Variants in MAST4 observed in about 807,000 individuals in gnomAD.
MAST4 encodes the protein microtubule-associated serine/threonine-protein kinase 4.
In MAST4, 89 loss-of-function variants were observed where a neutral mutation model predicts 162.7. That is an observed-to-expected ratio of 0.55 (90% CI 0.46 to 0.65). MAST4 has a LOEUF of 0.65. Among genes scored for constraint, MAST4 ranks in the 30% least tolerant of loss-of-function variants. MAST4 has a pLI of 0.00. For missense variants in MAST4, 3,153 were observed against 3,374.0 expected (o/e 0.93, Z 1.62); for synonymous variants, 1,479 against 1,361.1 (o/e 1.09, Z -1.91).
At chr5:67,069,621 C>T (rs1760687098) in intron 5 of MAST4, among the ~76,000 whole-genome samples, 1 of 152,046 alleles carries the variant, frequency 6.6e-6, no homozygotes, top group Admixed American at 6.6e-5. Flanking sequence ...GATGGATGTG[C>T]CCTTTGGAAG....
At chr5:67,004,396 AT>A (rs1297250885) in intron 4 of MAST4, among the ~76,000 whole-genome samples, 2 of 152,216 alleles carry the variant, frequency 1.3e-5, no homozygotes, top group African/African-American at 2.4e-5. Context: ...CAATAGGCCC[AT>A]TTTTTAAAAG....
chr5:66,657,570 G>A (rs1256579704), intron 1 of MAST4, among the ~76,000 whole-genome samples: 2 of 152,206 alleles, frequency 1.3e-5, no homozygotes, highest in Non-Finnish European at 2.9e-5. Context: ...GGTATTTGTA[G>A]TATAATTTCC....
At chr5:66,844,139 CTG>C (rs59568297) in intron 3 of MAST4, among the ~76,000 whole-genome samples, 4,253 of 104,290 alleles carry the variant, frequency 0.041, 110 homozygotes, top group South Asian at 0.059. Flanking sequence ...CCCAGTCAGC[CTG>C]TGTGTGTGTG....
In MAST4 at chr5:67,091,283, T is replaced by A. The variant is rs1023402516; in HGVS notation, c.833+1052T>A. On this transcript the variant is annotated intron_variant, in intron 6 of 28. Coordinates refer to ENST00000403625, the MANE Select transcript of MAST4 (RefSeq NM_001164664.2). ...AGAGTTCTGTGTAATTAAGATTTCA[T>A]TATAAATCTGATGTAAAAAAGTTTG... Among the ~76,000 whole-genome samples, 54 of 152,330 alleles carry A rather than the reference T, an allele frequency of 3.5e-4. 1 individual carries two copies. Among genetic ancestry groups the A allele is most frequent in the Admixed American group, 3.4e-3 (52 of 15,308 alleles).
chr5:67,130,359 G>T lies in MAST4; in HGVS notation c.1895G>T (p.Ser632Ile). The T allele has an allele frequency of 1.2e-6, 2 of 1,614,000 alleles. No homozygotes were observed. The highest frequency in any genetic ancestry group is 1.7e-6 in the Non-Finnish European group (2 of 1,179,914). The change falls in exon 15 of 29, where the codon AGC (serine) becomes ATC (isoleucine). Residue 632 changes from serine (S) to isoleucine (I), a missense_variant. Ser to Ile is a moderately radical substitution (Grantham distance 142). Coordinates refer to ENST00000403625, the MANE Select transcript of MAST4 (RefSeq NM_001164664.2). The stretch of plus-strand genomic sequence containing the variant: ...TTTGCAGAAAACCCCTTTGTTGTCA[G>T]CATGTATTGCTCCTTTGAAACAAGG... ...LTFAENPFVV[S>I]MYCSFETRRH...
intron 1 of MAST4, among the ~76,000 whole-genome samples, chr5:66,730,725 A>T (rs978900503): frequency 6.6e-6 from 1 of 151,468 alleles, no homozygotes; most frequent in Non-Finnish European, 1.5e-5. Context: ...TCCTGTGAAT[A>T]TACATACCCC....
intron 1 of MAST4, among the ~76,000 whole-genome samples, chr5:66,628,280 C>T (rs113424813): frequency 1.3e-5 from 2 of 151,472 alleles, no homozygotes; most frequent in Non-Finnish European, 2.9e-5. Flanking sequence ...GCATTCCTCC[C>T]GCCTTGACCT....
chr5:66,656,083 T>C (rs1425188582), intron 1 of MAST4, among the ~76,000 whole-genome samples: 2 of 152,202 alleles, frequency 1.3e-5, no homozygotes, highest in East Asian at 1.9e-4. Context: ...GCAGGGCATG[T>C]GACTTCCTAG....
chr5:66,843,431 T>C (rs1580617002), intron 3 of MAST4, among the ~76,000 whole-genome samples: 1 of 152,214 alleles, frequency 6.6e-6, no homozygotes, highest in East Asian at 1.9e-4. Context: ...ATCCTTTTTT[T>C]CTCTGAGCTA....
At chr5:66,837,482 A>C (rs7734444) in intron 3 of MAST4, among the ~76,000 whole-genome samples, 1,957 of 152,170 alleles carry the variant, frequency 0.013, 42 homozygotes, top group African/African-American at 0.043. Context: ...TGTAGTATTT[A>C]GCACCATCAA....
At chr5:67,087,200 C>T (rs1264926039) in intron 5 of MAST4, among the ~76,000 whole-genome samples, 1 of 152,148 alleles carries the variant, frequency 6.6e-6, no homozygotes, top group Non-Finnish European at 1.5e-5. Flanking sequence ...AGTCATTTTC[C>T]CAATCTACCC....
Position 66,986,536 on chromosome 5 carries a change from T to C in MAST4, c.675-67868T>C, listed in dbSNP as rs775687452. The C allele has an allele frequency of 2.8e-5, 41 of 1,462,978 alleles. 1 individual carries two copies. Among genetic ancestry groups the C allele is most frequent in the Non-Finnish European group, 1.8e-5 (20 of 1,092,444 alleles). The allele number at this position is 1,462,978 out of a possible 1,614,324, so 90.6% of individuals were successfully genotyped here. A position where few individuals can be genotyped will look rare whatever the true frequency, so the allele number is the denominator to read the frequency against. ...TATCCAAAGCTCATATTGTTTCCTT[T>C]CCAGTACTTTCTCTCTGTCTTTCCA... is the stretch of plus-strand genomic sequence containing the variant. On this transcript the variant is annotated intron_variant, in intron 4 of 28. Coordinates refer to ENST00000403625, the MANE Select transcript of MAST4 (RefSeq NM_001164664.2).
chr5:66,780,173 C>T (rs1175218298), intron 2 of MAST4, among the ~76,000 whole-genome samples: 3 of 152,152 alleles, frequency 2.0e-5, no homozygotes, highest in African/African-American at 4.8e-5. Flanking sequence ...AGAACATTTT[C>T]ATCATCCCAA....
intron 1 of MAST4, among the ~76,000 whole-genome samples, chr5:66,712,361 C>A (rs1750549816): frequency 6.6e-6 from 1 of 152,156 alleles, no homozygotes; most frequent in South Asian, 2.1e-4. Flanking sequence ...ATAGTTTGGA[C>A]CTGGCAGTTT....
chr5:66,632,442 C>T (rs1744848996), intron 1 of MAST4, among the ~76,000 whole-genome samples: 1 of 151,592 alleles, frequency 6.6e-6, no homozygotes, highest in Admixed American at 6.6e-5. Context: ...GTCATCTGGG[C>T]TAAAATCCTA....
chr5:66,910,741 C>CTTTCTTTTT (rs1763690763), intron 4 of MAST4, among the ~76,000 whole-genome samples: 1 of 20,090 alleles, frequency 5.0e-5, no homozygotes, highest in African/African-American at 1.2e-4. Flanking sequence ...TTTTTTTTTT[C>CTTTCTTTTT]TTTTTTTTTT....
rs73103934 is a variant in MAST4, at chr5:66,978,952, A to G, written c.675-75452A>G. ...TGAATAGAGTAGAAGGAAAGTGCAG[A>G]AAAGGAATGATGAAGAGCTGAAGAA... On this transcript the variant is annotated intron_variant, in intron 4 of 28. Coordinates refer to ENST00000403625, the MANE Select transcript of MAST4 (RefSeq NM_001164664.2). 7.0e-3 allele frequency among the ~76,000 whole-genome samples: 1,064 copies of G among 152,252 alleles called. 21 individuals carry two copies. The highest frequency in any genetic ancestry group is 0.025 in the African/African-American group (1,018 of 41,530).
intron 1 of MAST4, among the ~76,000 whole-genome samples, chr5:66,685,517 C>A (rs1034706460): frequency 8.6e-5 from 13 of 151,792 alleles, no homozygotes; most frequent in African/African-American, 2.9e-4. Context: ...GAATTTTCTC[C>A]TAAAAGAAAT....
chr5:66,678,449 G>A (rs1045259892), intron 1 of MAST4, among the ~76,000 whole-genome samples: 3 of 151,756 alleles, frequency 2.0e-5, no homozygotes, highest in East Asian at 3.9e-4. Context: ...AGGCAAGTAT[G>A]TTCATTAGCT....
Sources: allele counts gnomAD v4.1 joint callset (sites outside exome capture counted in the v4.1 genomes callset), GRCh38; gene constraint gnomAD v4.1.1; transcripts MANE v1.5; gene names NCBI Gene and HGNC (gene_info 2026-07-23, HGNC 2026-07-21).